Variants in SOX5 observed in about 807,000 individuals in gnomAD.
SOX5 encodes the protein transcription factor SOX-5.
A neutral mutation model predicts 92.0 loss-of-function variants in SOX5; 9 were observed. The observed-to-expected ratio is 0.10, with a 90% CI of 0.06 to 0.17. The LOEUF is 0.17. Among genes scored for constraint, SOX5 ranks in the 10% least tolerant of loss-of-function variants. SOX5 has a pLI of 1.00. For missense variants in SOX5, 642 were observed against 944.5 expected (o/e 0.68, Z 4.20); for synonymous variants, 344 against 336.3 (o/e 1.02, Z -0.25).
intron 4 of SOX5, among the ~76,000 whole-genome samples, chr12:24,113,068 A>G (rs890280573): frequency 3.3e-5 from 5 of 152,084 alleles, no homozygotes; most frequent in African/African-American, 4.8e-5. Context: ...GTTCAAAATT[A>G]TGTAAGCTGT....
At chr12:23,792,141 A>T (rs1467639069) in intron 3 of SOX5, among the ~76,000 whole-genome samples, 1 of 152,124 alleles carries the variant, frequency 6.6e-6, no homozygotes, top group African/African-American at 2.4e-5. Context: ...AACTATATAG[A>T]AAAACTTTAT....
At chr12:24,097,494 T>G (rs1037906227) in intron 4 of SOX5, among the ~76,000 whole-genome samples, 14 of 60,622 alleles carry the variant, frequency 2.3e-4, no homozygotes, top group Admixed American at 7.2e-4. Context: ...ATTTTACAGG[T>G]TTTTTTTTTA....
At chr12:23,577,453 CCTCCCAAAGTG>C (rs1037576794) in intron 9 of SOX5, among the ~76,000 whole-genome samples, 1 of 151,850 alleles carries the variant, frequency 6.6e-6, no homozygotes, top group African/African-American at 2.4e-5. Context: ...CCTGCGTTGG[CCTCCCAAAGTG>C]CTGGGATTAC....
At chr12:24,414,471 G>A (rs1025765457) in intron 1 of SOX5, among the ~76,000 whole-genome samples, 5 of 152,162 alleles carry the variant, frequency 3.3e-5, no homozygotes, top group African/African-American at 1.2e-4. Flanking sequence ...TCTGCTGCCA[G>A]CAGAGGGTGA....
intron 4 of SOX5, among the ~76,000 whole-genome samples, chr12:23,967,664 ATAGT>A (rs542851683): frequency 7.9e-5 from 12 of 152,292 alleles, no homozygotes; most frequent in African/African-American, 1.4e-4. Context: ...TTGTGAGATG[ATAGT>A]TAGTGTAAAT....
At chr12:23,573,159 A>T (rs1416877052) in intron 10 of SOX5, among the ~76,000 whole-genome samples, 1 of 151,874 alleles carries the variant, frequency 6.6e-6, no homozygotes, top group African/African-American at 2.4e-5. Context: ...CATGTCTCTA[A>T]CTCTTCTTCC....
intron 3 of SOX5, chr12:24,237,926 C>T (rs12821565): frequency 6.6e-6 from 1 of 152,118 alleles, no homozygotes; most frequent in East Asian, 1.9e-4. Context: ...CCCTGGTGAT[C>T]TTCAGAGCCC....
chr12:23,844,381 A>C (rs948581540), intron 3 of SOX5, among the ~76,000 whole-genome samples: 7 of 152,242 alleles, frequency 4.6e-5, no homozygotes, highest in Non-Finnish European at 8.8e-5. Flanking sequence ...AAAGCTAATC[A>C]TAAAAAATTA....
chr12:24,490,062 C>A lies in SOX5; in HGVS notation c.-251+72267G>T, dbSNP rs934059462. Among the ~76,000 whole-genome samples the A allele has an allele frequency of 3.3e-5, 5 of 152,338 alleles. No individual in the cohort carries two copies. In the South Asian group the frequency reaches 1.0e-3, roughly 32 times the overall value. ...ACCTCTCTTGGGTTCACAAGTCTTA[C>A]TGCAGTGGATGGCAGACTTCATACA... On this transcript the variant is annotated intron_variant, in intron 1 of 4. Coordinates refer to the SOX5 transcript ENST00000446891.
chr12:24,333,547 T>A (rs529262410), intron 2 of SOX5, among the ~76,000 whole-genome samples: 2 of 152,038 alleles, frequency 1.3e-5, no homozygotes, highest in South Asian at 4.1e-4. Flanking sequence ...TTTTACTAGA[T>A]GATAAAATGA....
At position 24,389,995 on chromosome 12, in the gene SOX5, TCTC is replaced by T. The variant is rs1958825657; in HGVS notation, c.-250-21359_-250-21357del. On this transcript the variant is annotated intron_variant, in intron 1 of 4. Transcript: ENST00000446891. The stretch of plus-strand genomic sequence containing the variant: ...CTTATAACTACTTCCCTTATTAAAT[TCTC>T]CTCAAATCATTTCCTTTAAGACCAT... 3.3e-5 allele frequency among the ~76,000 whole-genome samples: 5 copies of T among 152,140 alleles called. No individual in the cohort carries two copies. In the South Asian group the frequency reaches 1.0e-3, roughly 31 times the overall value.
intron 7 of SOX5, among the ~76,000 whole-genome samples, chr12:23,657,258 T>C (rs2082425982): frequency 6.6e-6 from 1 of 152,156 alleles, no homozygotes; most frequent in South Asian, 2.1e-4. Flanking sequence ...ATATAAGCGA[T>C]GCTTAGATTA....
intron 8 of SOX5, among the ~76,000 whole-genome samples, chr12:23,617,130 A>G (rs78427657): frequency 1.1e-4 from 1 of 8,766 alleles, no homozygotes; most frequent in Non-Finnish European, 2.5e-4. Context: ...TGTCTCAAGA[A>G]AAAAAAAAAA....
chr12:23,686,817 A>G (rs141825522), intron 6 of SOX5, among the ~76,000 whole-genome samples: 218 of 152,188 alleles, frequency 1.4e-3, no homozygotes, highest in African/African-American at 5.1e-3. Flanking sequence ...AAATAGATAT[A>G]TTTTCCATTG....
rs181977158 is a variant in SOX5 at position 24,152,227 on chromosome 12, G to A, written c.-2+61116C>T. 3.0e-3 allele frequency among the ~76,000 whole-genome samples: 460 copies of A among 152,246 alleles called. 3 individuals are homozygous for A. The highest frequency in any genetic ancestry group is 3.5e-3 in the Non-Finnish European group (237 of 68,002). ...ACAACTAATATTTTTAGAGTTCAAA[G>A]ATTTTTGTTCATTAATTAGTTAAAA... is the stretch of plus-strand genomic sequence containing the variant. On this transcript the variant is annotated intron_variant, in intron 4 of 4. Coordinates refer to the SOX5 transcript ENST00000446891.
intron 7 of SOX5, among the ~76,000 whole-genome samples, 183 bp from the exon 8 acceptor site, chr12:23,641,080 GAAT>G (rs1335531441): frequency 6.6e-6 from 1 of 152,128 alleles, no homozygotes; most frequent in African/African-American, 2.4e-5. Context: ...AGAGGAATGT[GAAT>G]AAAAGGCACA....
intron 4 of SOX5, among the ~76,000 whole-genome samples, chr12:24,092,298 C>A (rs1944747901): frequency 7.1e-6 from 1 of 139,878 alleles, no homozygotes; most frequent in East Asian, 2.5e-4. Flanking sequence ...GCTTAGGGTA[C>A]AATGCTGCGG....
chr12:24,282,859 A>G (rs1945381971), intron 2 of SOX5, among the ~76,000 whole-genome samples: 1 of 152,218 alleles, frequency 6.6e-6, no homozygotes, highest in Non-Finnish European at 1.5e-5. Context: ...ATTCTTTAAA[A>G]GCCATCCATG....
At chr12:24,370,823 A>G (rs1037064287) in intron 1 of SOX5, among the ~76,000 whole-genome samples, 1 of 152,214 alleles carries the variant, frequency 6.6e-6, no homozygotes, top group African/African-American at 2.4e-5. Flanking sequence ...CTGGTTTCCT[A>G]ACAAAATATT....
Sources: gnomAD v4.1 joint callset for allele counts (sites outside exome capture counted in the v4.1 genomes callset) on GRCh38, gnomAD v4.1.1 for gene constraint, MANE v1.5 for transcripts, NCBI Gene and HGNC (gene_info 2026-07-23, HGNC 2026-07-21) for gene names.